Variants in KIAA0319L observed in about 807,000 individuals in gnomAD.
KIAA0319L encodes the protein KIAA0319 like, also known as dyslexia-associated protein KIAA0319-like protein.
In KIAA0319L, 55 loss-of-function variants were observed where a neutral mutation model predicts 120.1. The observed-to-expected ratio is 0.46, with a 90% confidence interval of 0.37 to 0.57. The LOEUF is 0.57. Ranked by LOEUF, KIAA0319L falls within the 20% of genes least tolerant of loss-of-function variation. KIAA0319L has a pLI of 0.00. For missense variants in KIAA0319L, 1,049 were observed against 1,255.3 expected, an observed-to-expected ratio of 0.84 and a Z score of 2.48; for synonymous variants, 398 against 471.9, an observed-to-expected ratio of 0.84 and a Z score of 2.03.
chr1:35,556,699 T>C (rs1167121075), intron 1 of KIAA0319L: 1 of 152,264 alleles, frequency 6.6e-6, no homozygotes, highest in Non-Finnish European at 1.5e-5. Flanking sequence ...CGCCAGAGGT[T>C]ATCAATTTTG....
At chr1:35,481,603 ACC>A (rs547671841) in intron 3 of KIAA0319L, among the ~76,000 whole-genome samples, 1 of 151,748 alleles carries the variant, frequency 6.6e-6, no homozygotes. Context: ...CCAAATTTTT[ACC>A]CCCCCTTTTT....
intron 2 of KIAA0319L, among the ~76,000 whole-genome samples, chr1:35,517,658 C>G (rs1274266538): frequency 6.6e-6 from 1 of 151,996 alleles, no homozygotes; most frequent in African/African-American, 2.4e-5. Flanking sequence ...AACATAGAAA[C>G]AGACAAAGAT....
chr1:35,550,481 C>T (rs1647159868), intron 2 of KIAA0319L, among the ~76,000 whole-genome samples: 1 of 151,970 alleles, frequency 6.6e-6, no homozygotes, highest in African/African-American at 2.4e-5. Flanking sequence ...TGTTTTCCCC[C>T]TTATATAAAA....
intron 2 of KIAA0319L, among the ~76,000 whole-genome samples, chr1:35,522,514 G>A (rs904872631): frequency 5.3e-5 from 8 of 152,030 alleles, no homozygotes; most frequent in Non-Finnish European, 7.4e-5. Flanking sequence ...TCCTGACCTC[G>A]TGATTCGCCT....
At chr1:35,536,612 C>T (rs957450119) in intron 2 of KIAA0319L, among the ~76,000 whole-genome samples, 5 of 152,228 alleles carry the variant, frequency 3.3e-5, no homozygotes, top group Admixed American at 6.5e-5. Context: ...TATCACAATT[C>T]TAATGCCTTT....
At chr1:35,531,512 G>A (rs1446341140) in intron 2 of KIAA0319L, among the ~76,000 whole-genome samples, 1 of 152,232 alleles carries the variant, frequency 6.6e-6, no homozygotes, top group Non-Finnish European at 1.5e-5. Flanking sequence ...CCTGGGGGAT[G>A]CGTGGGACTC....
intron 20 of KIAA0319L, among the ~76,000 whole-genome samples, chr1:35,437,000 A>G (rs897787901): frequency 2.0e-5 from 3 of 152,198 alleles, no homozygotes; most frequent in Non-Finnish European, 4.4e-5. Flanking sequence ...CACTGAGCCC[A>G]GAACAAGAAC....
At chr1:35,435,122 T>G in intron 20 of KIAA0319L, 41 bp from the exon 21 acceptor site, 1 of 1,583,092 alleles carries the variant, frequency 6.3e-7, no homozygotes. Context: ...GAGACTGGCC[T>G]CAAGGCTGGA....
intron 2 of KIAA0319L, among the ~76,000 whole-genome samples, chr1:35,512,385 A>G (rs1645486730): frequency 6.6e-6 from 1 of 152,024 alleles, no homozygotes; most frequent in African/African-American, 2.4e-5. Flanking sequence ...GGGGAAAAAA[A>G]AGAGTAAATT....
intron 2 of KIAA0319L, among the ~76,000 whole-genome samples, chr1:35,533,840 C>A (rs555266754): frequency 6.0e-4 from 92 of 152,310 alleles, no homozygotes; most frequent in African/African-American, 2.1e-3. Flanking sequence ...GCACCCTCCA[C>A]CTCCCTTTTG....
chr1:35,525,400 C>A (rs193091068), intron 2 of KIAA0319L, among the ~76,000 whole-genome samples: 2 of 152,220 alleles, frequency 1.3e-5, no homozygotes, highest in East Asian at 3.9e-4. Context: ...GTAGTTCTAT[C>A]TTTAGTTTGT....
At position 35,448,286 on chromosome 1, in the gene KIAA0319L, G is replaced by A; in HGVS notation, c.2400C>T (p.Val800=). The A allele has an allele frequency of 6.2e-7, 1 of 1,614,050 alleles. No individual in the cohort carries two copies. Among genetic ancestry groups the A allele is most frequent in the Non-Finnish European group, 8.5e-7 (1 of 1,179,992 alleles). ...NLVEIILDIN[V]SQLTERLKGM... is the part of the protein sequence containing the mutation. ...CCTTCAGCCTCTCAGTTAGCTGACTGACGTTGATATCCAAGATGATCTCCA... is the reference window on the plus strand; with the variant it reads ...CCTTCAGCCTCTCAGTTAGCTGACTAACGTTGATATCCAAGATGATCTCCA... Residue 800 remains valine (V), a synonymous_variant, in exon 16 of 21, where the codon GTC becomes GTT. Transcript: ENST00000325722.
At chr1:35,507,436 AAAC>A (rs1438638508) in intron 2 of KIAA0319L, among the ~76,000 whole-genome samples, 1 of 152,200 alleles carries the variant, frequency 6.6e-6, no homozygotes, top group Non-Finnish European at 1.5e-5. Flanking sequence ...ACAAAAACAA[AAAC>A]AAAAAAAGAG....
In KIAA0319L at chr1:35,552,826, C is replaced by G. The variant is rs143847653; in HGVS notation, c.142+1524G>C. ...GTTGCTCACATCTGTAATCTCAGCA[C>G]TTTGGGAGGCCGAGGCATGCAGATC... On this transcript the variant is annotated intron_variant, in intron 2 of 20. Transcript: ENST00000325722. 5.2e-3 allele frequency among the ~76,000 whole-genome samples: 796 copies of G among 152,144 alleles called. 7 individuals are homozygous for G. Among genetic ancestry groups the G allele is most frequent in the South Asian group, 0.018 (85 of 4,820 alleles).
intron 5 of KIAA0319L, 137 bp downstream of exon 5, chr1:35,474,668 G>C (rs938743250): frequency 1.1e-5 from 6 of 566,554 alleles, no homozygotes; most frequent in Non-Finnish European, 1.9e-5. Flanking sequence ...GTGTATGCCA[G>C]TAGTTCCAGC....
At chr1:35,475,681 C>T (rs1643879652) in intron 4 of KIAA0319L, among the ~76,000 whole-genome samples, 1 of 152,092 alleles carries the variant, frequency 6.6e-6, no homozygotes, top group Admixed American at 6.6e-5. Context: ...CCTCTGCTAG[C>T]TCTCTCTACT....
intron 4 of KIAA0319L, 145 bp downstream of exon 4, chr1:35,478,821 A>C: frequency 4.1e-6 from 4 of 974,522 alleles, no homozygotes; most frequent in Non-Finnish European, 6.1e-6. Context: ...CCCCCAGTCC[A>C]TGACTGCAGG....
chr1:35,464,440 G>A (rs561607800), intron 7 of KIAA0319L, among the ~76,000 whole-genome samples: 1 of 152,338 alleles, frequency 6.6e-6, no homozygotes, highest in African/African-American at 2.4e-5. Flanking sequence ...TTGAACTTGA[G>A]AGATGATTTA....
chr1:35,479,194 T>C lies in KIAA0319L; in HGVS notation c.685A>G (p.Ile229Val), dbSNP rs1644039427. 6.2e-7 allele frequency: 1 copy of C among 1,613,664 alleles called. No individual in the cohort carries two copies. Among genetic ancestry groups the C allele is most frequent in the African/African-American group, 1.3e-5 (1 of 74,914 alleles). Residue 229 changes from isoleucine to valine, a missense_variant, in exon 4 of 21, where the codon ATT becomes GTT. Coordinates refer to ENST00000325722, the MANE Select transcript of KIAA0319L (RefSeq NM_024874.5). ...AGGTCTGTGGTTAGGGGACTGGAAA[T>C]TGTAATCGCCTTGTGGACCTAAAGA... ...GSAEVHKAIT[I>V]SSPLTTDLTA...
Sources: gnomAD v4.1 joint callset for allele counts (sites outside exome capture counted in the v4.1 genomes callset) on GRCh38, gnomAD v4.1.1 for gene constraint, MANE v1.5 for transcripts, NCBI Gene and HGNC (gene_info 2026-07-23, HGNC 2026-07-21) for gene names.